The following FSTL4 variants were observed in gnomAD, a reference collection of about 807,000 sequenced individuals.
The protein encoded by FSTL4 is follistatin like 4.
In FSTL4, 28 loss-of-function variants were observed where a neutral mutation model predicts 78.2. The ratio of observed to expected loss-of-function variants is 0.36; its 90% CI spans 0.27 to 0.49. The LOEUF (loss-of-function observed/expected upper bound fraction) is 0.49, where lower values mean the gene tolerates loss of function less well. Ranked by LOEUF, FSTL4 falls within the 20% of genes least tolerant of loss-of-function variation. The pLI is 0.98. For missense variants in FSTL4, 922 were observed against 1,084.9 expected, an observed-to-expected ratio of 0.85 and a Z score of 2.11; for synonymous variants, 422 against 440.5, an observed-to-expected ratio of 0.96 and a Z score of 0.53.
chr5:133,554,161 G>A (rs1342513681), intron 3 of FSTL4, among the ~76,000 whole-genome samples: 6 of 152,200 alleles, frequency 3.9e-5, no homozygotes, highest in African/African-American at 7.2e-5. Flanking sequence ...AATGGTCACC[G>A]CCATGCCCAG....
chr5:133,366,705 T>C (rs543923904), intron 4 of FSTL4, among the ~76,000 whole-genome samples: 1 of 151,828 alleles, frequency 6.6e-6, no homozygotes, highest in Admixed American at 6.6e-5. Flanking sequence ...GAATCTGAAC[T>C]CACTGCAGCT....
chr5:133,350,124 C>A (rs965937289), intron 4 of FSTL4, among the ~76,000 whole-genome samples: 1 of 131,690 alleles, frequency 7.6e-6, no homozygotes, highest in East Asian at 2.3e-4. Context: ...TGCTGCCATG[C>A]GACTGTAAAG....
chr5:133,457,748 C>T (rs915135935), intron 3 of FSTL4: 1 of 152,282 alleles, frequency 6.6e-6, no homozygotes. Flanking sequence ...AAGCCCTTCC[C>T]CATACATTTC....
At chr5:133,395,910 A>G (rs1756029552) in intron 4 of FSTL4, among the ~76,000 whole-genome samples, 1 of 152,180 alleles carries the variant, frequency 6.6e-6, no homozygotes, top group Non-Finnish European at 1.5e-5. Context: ...AGCTTTGTCC[A>G]GACTGGGGAT....
At chr5:133,249,949 A>G (rs1581569292) in intron 6 of FSTL4, among the ~76,000 whole-genome samples, 2 of 152,286 alleles carry the variant, frequency 1.3e-5, no homozygotes, top group East Asian at 3.9e-4. Flanking sequence ...CCCCTGGCCT[A>G]TTGGAGTCTG....
At chr5:133,400,615 G>T in intron 4 of FSTL4, 123 bp downstream of exon 4, 3 of 884,382 alleles carry the variant, frequency 3.4e-6, no homozygotes, top group Non-Finnish European at 5.3e-6. Context: ...TTACACACCA[G>T]TCTTTGTCTT....
At chr5:133,342,560 T>C (rs903180130) in intron 4 of FSTL4, among the ~76,000 whole-genome samples, 1 of 152,194 alleles carries the variant, frequency 6.6e-6, no homozygotes. Context: ...TCTGCCTGTC[T>C]GCTCTGGCCA....
the FSTL4 span, among the ~76,000 whole-genome samples, chr5:133,630,020 A>G: frequency 6.6e-6 from 1 of 152,280 alleles, no homozygotes; most frequent in Non-Finnish European, 1.5e-5. Flanking sequence ...ACTATTTATG[A>G]AAAACCCACA....
intron 3 of FSTL4, among the ~76,000 whole-genome samples, chr5:133,520,975 G>A (rs532764128): frequency 4.6e-5 from 7 of 152,234 alleles, no homozygotes; most frequent in African/African-American, 1.2e-4. Flanking sequence ...ATGTGGGTTC[G>A]AAGTCCCTGT....
chr5:133,607,734 C>T lies in FSTL4; in HGVS notation c.-10-3741G>A, dbSNP rs541856520. On this transcript the variant is annotated intron_variant, in intron 1 of 15. Transcript: ENST00000265342. ...GGCCCTGGCCCCGAGACTCTCCTTTCCTCTGAAAGCTGCCACGAGCTACTC... is the reference window on the plus strand; with the variant it reads ...GGCCCTGGCCCCGAGACTCTCCTTTTCTCTGAAAGCTGCCACGAGCTACTC... Among the ~76,000 whole-genome samples the T allele has an allele frequency of 2.0e-5, 3 of 152,326 alleles. No individual in the cohort carries two copies. In the East Asian group the frequency reaches 5.8e-4, roughly 29 times the overall value.
At chr5:133,538,928 C>T (rs1759410281) in intron 3 of FSTL4, among the ~76,000 whole-genome samples, 3 of 152,080 alleles carry the variant, frequency 2.0e-5, no homozygotes, top group African/African-American at 2.4e-5. Flanking sequence ...TCTTTCTCTT[C>T]GTGTGGCCTC....
At chr5:133,441,152 G>C (rs1169894164) in intron 3 of FSTL4, among the ~76,000 whole-genome samples, 1 of 152,176 alleles carries the variant, frequency 6.6e-6, no homozygotes, top group Non-Finnish European at 1.5e-5. Context: ...GCAAATTAAT[G>C]AGCAGGTTAT....
chr5:133,683,927 T>C, the FSTL4 span, among the ~76,000 whole-genome samples: 2 of 152,172 alleles, frequency 1.3e-5, no homozygotes, highest in Non-Finnish European at 2.9e-5. Context: ...ACCCTGGACG[T>C]GGGCTCTGCT....
At chr5:133,576,173 AAC>A (rs1760273488) in intron 2 of FSTL4, among the ~76,000 whole-genome samples, 1 of 152,246 alleles carries the variant, frequency 6.6e-6, no homozygotes, top group Admixed American at 6.5e-5. Context: ...GCTACCAAAA[AAC>A]AGTTTGAAGG....
chr5:133,215,911 A>G (rs916599856), intron 13 of FSTL4, among the ~76,000 whole-genome samples: 1 of 152,130 alleles, frequency 6.6e-6, no homozygotes. Flanking sequence ...TTATAAGGAC[A>G]TTTGTGATTG....
intron 4 of FSTL4, among the ~76,000 whole-genome samples, chr5:133,362,539 C>T (rs1293921399): frequency 1.3e-5 from 2 of 152,252 alleles, no homozygotes; most frequent in African/African-American, 4.8e-5. Flanking sequence ...AGCACGTAGC[C>T]TGAGCGCTTT....
chr5:133,382,106 C>A (rs1250305113), intron 4 of FSTL4, among the ~76,000 whole-genome samples: 1 of 152,172 alleles, frequency 6.6e-6, no homozygotes, highest in African/African-American at 2.4e-5. Flanking sequence ...CAGGGTCTGC[C>A]CAGATACCCC....
At chr5:133,714,014 C>G in the FSTL4 span, among the ~76,000 whole-genome samples, 1 of 152,158 alleles carries the variant, frequency 6.6e-6, no homozygotes, top group Non-Finnish European at 1.5e-5. Flanking sequence ...AAGGCACTCT[C>G]CAGGAGGGAG....
chr5:133,548,874 G>A (rs1243153763), intron 3 of FSTL4, among the ~76,000 whole-genome samples: 2 of 152,150 alleles, frequency 1.3e-5, no homozygotes, highest in Admixed American at 6.5e-5. Context: ...TAAGAGTGTT[G>A]TGGAACATGG....
Sources: allele counts gnomAD v4.1 joint callset (sites outside exome capture counted in the v4.1 genomes callset), GRCh38; gene constraint gnomAD v4.1.1; transcripts MANE v1.5; gene names NCBI Gene and HGNC (gene_info 2026-07-23, HGNC 2026-07-21).